Variants in SUGCT observed in about 807,000 individuals in gnomAD.
SUGCT encodes the protein succinyl-CoA:glutarate CoA-transferase.
A neutral mutation model predicts 55.0 loss-of-function variants in SUGCT; 41 were observed. That is an observed-to-expected ratio of 0.74 (90% CI 0.58 to 0.97). The LOEUF is 0.97. Ranked by LOEUF, SUGCT falls within the 50% of genes least tolerant of loss-of-function variation. The pLI is 0.00. For synonymous variants in SUGCT, 187 were observed against 200.4 expected (o/e 0.93, Z 0.56); for missense variants, 568 against 547.8 (o/e 1.04, Z -0.37).
chr7:40,573,461 G>C (rs1205563846), intron 12 of SUGCT, among the ~76,000 whole-genome samples: 3 of 151,744 alleles, frequency 2.0e-5, no homozygotes, highest in African/African-American at 7.3e-5. Flanking sequence ...ACTTAATCCA[G>C]TCTATTTTTC....
chr7:40,703,061 C>CTTTT (rs58887234), intron 12 of SUGCT, among the ~76,000 whole-genome samples: 7 of 115,778 alleles, frequency 6.0e-5, no homozygotes, highest in Non-Finnish European at 1.0e-4. Context: ...TTCAGCCTAG[C>CTTTT]TTTTTTTTTT....
At chr7:40,574,135 T>G (rs1796596050) in intron 12 of SUGCT, among the ~76,000 whole-genome samples, 1 of 152,164 alleles carries the variant, frequency 6.6e-6, no homozygotes, top group African/African-American at 2.4e-5. Flanking sequence ...TGAGTCTCTG[T>G]GCAAAGCAAA....
chr7:40,570,612 A>G (rs1306289974), intron 12 of SUGCT, among the ~76,000 whole-genome samples: 1 of 152,098 alleles, frequency 6.6e-6, no homozygotes, highest in African/African-American at 2.4e-5. Flanking sequence ...TGATGTATTT[A>G]TTTTGTGATG....
rs143625179 is a variant in SUGCT, at chr7:40,813,131, C to A, written c.1154-47185C>A. ...TATTGAGACTTGCTTTATGGACAAG[C>A]ATGTGGTCAATCTTAGGTAAGTTCC... On this transcript the variant is annotated intron_variant, in intron 13 of 13. Transcript: ENST00000335693. Among the ~76,000 whole-genome samples, 83 of 152,200 alleles carry A rather than the reference C, an allele frequency of 5.5e-4. 1 individual carries two copies. In the East Asian group the frequency reaches 0.013, roughly 24 times the overall value.
At chr7:40,396,801 C>A (rs1294904751) in intron 9 of SUGCT, among the ~76,000 whole-genome samples, 6 of 152,078 alleles carry the variant, frequency 3.9e-5, no homozygotes, top group Non-Finnish European at 7.4e-5. Flanking sequence ...TTTATTACCT[C>A]ATTCTCCCTC....
At chr7:40,301,229 C>T (rs1011583982) in intron 8 of SUGCT, among the ~76,000 whole-genome samples, 1 of 152,114 alleles carries the variant, frequency 6.6e-6, no homozygotes, top group African/African-American at 2.4e-5. Flanking sequence ...GCACCTAGCA[C>T]GGTGCCTGAA....
chr7:40,480,652 G>T (rs577844513), intron 11 of SUGCT, among the ~76,000 whole-genome samples: 1 of 151,670 alleles, frequency 6.6e-6, no homozygotes, highest in Middle Eastern at 3.4e-3. Context: ...ATGAACATAG[G>T]GTGTATTTCT....
At chr7:40,232,086 A>G (rs1446390970) in intron 6 of SUGCT, among the ~76,000 whole-genome samples, 1 of 152,178 alleles carries the variant, frequency 6.6e-6, no homozygotes, top group Admixed American at 6.5e-5. Flanking sequence ...GGGTAATAGA[A>G]CAAGATCCTG....
At chr7:40,327,737 T>C (rs1796091310) in intron 9 of SUGCT, among the ~76,000 whole-genome samples, 4 of 152,242 alleles carry the variant, frequency 2.6e-5, no homozygotes. Context: ...CATATTTGGC[T>C]AAAATTATCT....
At chr7:40,386,272 AC>A (rs1449758251) in intron 9 of SUGCT, among the ~76,000 whole-genome samples, 2 of 152,000 alleles carry the variant, frequency 1.3e-5, no homozygotes, top group Non-Finnish European at 2.9e-5. Context: ...TTCTCAATAA[AC>A]CTTGTTATGC....
intron 13 of SUGCT, among the ~76,000 whole-genome samples, chr7:40,757,027 A>G (rs76104208): frequency 0.013 from 2,045 of 152,244 alleles, 143 homozygotes; most frequent in East Asian, 0.093. Flanking sequence ...CCGTTATTAA[A>G]TCCTTAACCC....
Position 40,188,550 on chromosome 7 carries a change from A to G in SUGCT, c.282A>G (p.Thr94=), listed in dbSNP as rs761081046. ...CACCTTTTGTTGGGACAGAAAGTAC[A>G]TATTATCTCAGTGTTAACCGAAATA... The part of the protein sequence containing the change: ...WGPPFVGTES[T]YYLSVNRNKK... Residue 94 remains threonine (T), a synonymous_variant, in exon 4 of 14, where the codon ACA becomes ACG. Coordinates refer to ENST00000335693, the MANE Select transcript of SUGCT (RefSeq NM_001193313.2). 11 of 1,609,344 alleles carry G rather than the reference A, an allele frequency of 6.8e-6. No individual in the cohort carries two copies. The highest frequency in any genetic ancestry group is 8.5e-6 in the Non-Finnish European group (10 of 1,178,610).
At chr7:40,620,248 A>G (rs1254072367) in intron 12 of SUGCT, among the ~76,000 whole-genome samples, 3 of 152,366 alleles carry the variant, frequency 2.0e-5, no homozygotes, top group East Asian at 1.9e-4. Context: ...CCAAAGAGCC[A>G]TTTGTTAAAC....
chr7:40,680,104 A>T (rs577312449), intron 12 of SUGCT, among the ~76,000 whole-genome samples: 26 of 152,322 alleles, frequency 1.7e-4, no homozygotes, highest in African/African-American at 5.5e-4. Flanking sequence ...CAGAAGGTTT[A>T]TTTTGCAGAG....
chr7:40,325,638 C>T (rs1795988748), intron 9 of SUGCT, among the ~76,000 whole-genome samples: 1 of 152,106 alleles, frequency 6.6e-6, no homozygotes, highest in Admixed American at 6.5e-5. Flanking sequence ...AACCCCGTCT[C>T]TACTAAAAAA....
Position 40,860,316 on chromosome 7 carries a change from G to A in SUGCT, c.1154G>A (p.Gly385Asp). 1 of 1,613,886 alleles carries A rather than the reference G, an allele frequency of 6.2e-7. No homozygotes were observed. The highest frequency in any genetic ancestry group is 8.5e-7 in the Non-Finnish European group (1 of 1,179,838). ...HPTVGKISVPGPAVRYSKFKM... is the reference protein window; with the variant it reads ...HPTVGKISVPDPAVRYSKFKM... ...TCCTGCTTTCCTTCTCCTTTGGCAG[G>A]CCCAGCTGTGAGATACAGTAAGTTC... is the stretch of plus-strand genomic sequence containing the variant. The change falls in exon 14 of 14, where the codon GGC (glycine) becomes GAC (aspartate). Residue 385 changes from glycine to aspartate, a missense_variant and splice_region_variant. Coordinates refer to ENST00000335693, the MANE Select transcript of SUGCT (RefSeq NM_001193313.2).
At chr7:40,259,157 T>C (rs1411800169) in intron 7 of SUGCT, among the ~76,000 whole-genome samples, 1 of 152,066 alleles carries the variant, frequency 6.6e-6, no homozygotes, top group African/African-American at 2.4e-5. Flanking sequence ...ACCAGAGGCC[T>C]GGGGAGGAGG....
chr7:40,963,710 T>C, the SUGCT span, among the ~76,000 whole-genome samples: 4 of 151,362 alleles, frequency 2.6e-5, no homozygotes, highest in African/African-American at 9.7e-5. Flanking sequence ...ATTCTGCTTA[T>C]ATACAGTCAT....
At chr7:40,476,282 G>T (rs1385263011) in intron 11 of SUGCT, among the ~76,000 whole-genome samples, 7 of 152,148 alleles carry the variant, frequency 4.6e-5, no homozygotes, top group African/African-American at 1.4e-4. Context: ...TCAAGGCTAT[G>T]TGGAACAGGG....
Sources: gnomAD v4.1 joint callset for allele counts (sites outside exome capture counted in the v4.1 genomes callset) on GRCh38, gnomAD v4.1.1 for gene constraint, MANE v1.5 for transcripts, NCBI Gene and HGNC (gene_info 2026-07-23, HGNC 2026-07-21) for gene names.